Variants in CSF3R observed in about 807,000 individuals in gnomAD.
The protein encoded by CSF3R is granulocyte colony-stimulating factor receptor.
A neutral mutation model predicts 84.4 loss-of-function variants in CSF3R; 52 were observed. The observed-to-expected ratio is 0.62, with a 90% CI of 0.49 to 0.78. CSF3R has a LOEUF of 0.78. CSF3R is among the 30% of genes least tolerant of loss of function. The pLI, the probability that CSF3R is intolerant of heterozygous loss-of-function variation, is 0.00. For synonymous variants in CSF3R, 384 were observed against 429.1 expected (o/e 0.89, Z 1.30); for missense variants, 890 against 1,055.7 (o/e 0.84, Z 2.17).
rs756056579 is a variant in CSF3R, at chr1:36,467,232, C to T, written c.2038G>A (p.Glu680Lys). The change falls in exon 16 of 17, where the codon GAG (glutamate) becomes AAG (lysine). Residue 680 changes from glutamate to lysine, a missense_variant and splice_region_variant. By Grantham distance (56) the Glu-to-Lys change is moderately conservative (BLOSUM62 1). Transcript: ENST00000373106. This position sits in a 1 kb window ranked among gnomAD's most constrained non-coding sequence, Gnocchi z 4.1. The part of the protein sequence containing the change: ...LGSWVPTIME[E>K]DAFQLPGLGT... ...CCCTCTCCCTCCTGGATTCTCACCT[C>T]CTCCATGATTGTGGGCACCCAGGAG... 2 of 1,614,142 alleles carry T rather than the reference C, an allele frequency of 1.2e-6. No individual in the cohort carries two copies. The highest frequency in any genetic ancestry group is 8.5e-7 in the Non-Finnish European group (1 of 1,179,946).
intron 3 of CSF3R, 93 bp from the exon 4 acceptor site, chr1:36,475,766 C>T: frequency 7.9e-7 from 1 of 1,267,814 alleles, no homozygotes; most frequent in Non-Finnish European, 1.1e-6. Flanking sequence ...TCAGAGGCCT[C>T]ACCTTCCTGT....
rs1481867581 is a variant in CSF3R, at chr1:36,466,579, C to T, written c.2289G>A (p.Gly763=). 17 of 1,611,718 alleles carry T rather than the reference C, an allele frequency of 1.1e-5. No homozygotes were observed. Among genetic ancestry groups the T allele is most frequent in the Non-Finnish European group, 1.4e-5 (17 of 1,178,502 alleles). Residue 763 remains glycine, a synonymous_variant, in exon 17 of 17, where the codon GGG becomes GGA. Coordinates refer to ENST00000373106, the MANE Select transcript of CSF3R (RefSeq NM_000760.4). This position sits in a 1 kb window ranked among gnomAD's most constrained non-coding sequence, Gnocchi z 4.6. ...AGTCACAGCGGAGATAGTGCCCTGG[C>T]CCTGGGCTTGTGGGGCTGCCCAGCA... ...GQLLGSPTSP[G]PGHYLRCDST...
At chr1:36,468,339 CATGCCCAAGCCTCA>C in intron 12 of CSF3R, 118 bp from the exon 13 acceptor site, 2 of 1,041,138 alleles carry the variant, frequency 1.9e-6, no homozygotes, top group Non-Finnish European at 2.7e-6. Flanking sequence ...CAAGGGGACT[CATGCCCAAGCCTCA>C]TTTTTCCCAG....
chr1:36,472,470 C>T lies in CSF3R; in HGVS notation c.843+47G>A. ...CCAGCTCGAGCCCGACTTACCCTGC[C>T]CCCTGCCCCCACCACCTCAGGCTCT... On this transcript the variant is annotated intron_variant, in intron 7 of 16. Coordinates refer to ENST00000373106, the MANE Select transcript of CSF3R (RefSeq NM_000760.4). The surrounding 1 kb of genome is among the most constrained non-coding windows in gnomAD (Gnocchi z 5.0). 6.8e-6 allele frequency: 11 copies of T among 1,613,988 alleles called. No individual in the cohort carries two copies. Among genetic ancestry groups the T allele is most frequent in the East Asian group, 2.2e-5 (1 of 44,874 alleles).
chr1:36,467,288 C>T lies in CSF3R; in HGVS notation c.1982G>A (p.Ser661Asn), dbSNP rs1650386046. 6.2e-7 allele frequency: 1 copy of T among 1,614,206 alleles called. No homozygotes were observed. The highest frequency in any genetic ancestry group is 1.1e-5 in the South Asian group (1 of 91,088). ...SPNRKNPLWP[S>N]VPDPAHSSLG... ...GCTGCTGTGAGCTGGGTCTGGGACA[C>T]TTGGCCAGAGGGGATTCTTCCTGCT... Residue 661 changes from serine (S) to asparagine (N), a missense_variant, in exon 16 of 17, where the codon AGT (serine) becomes AAT (asparagine). By Grantham distance (46) the Ser-to-Asn change is conservative. Coordinates refer to ENST00000373106, the MANE Select transcript of CSF3R (RefSeq NM_000760.4). The surrounding 1 kb of genome is among the most constrained non-coding windows in gnomAD (Gnocchi z 4.1).
chr1:36,475,698 G>A (rs1398450499), intron 3 of CSF3R, 25 bp from the exon 4 acceptor site: 1 of 1,598,518 alleles, frequency 6.3e-7, no homozygotes, highest in Non-Finnish European at 8.5e-7. Context: ...AATGGGCCAG[G>A]AACGACGCCT....
chr1:36,469,118 G>T, intron 12 of CSF3R, 38 bp downstream of exon 12: 1 of 1,450,640 alleles, frequency 6.9e-7, no homozygotes, highest in Non-Finnish European at 9.7e-7. Context: ...GGGAGAGAGA[G>T]GAGAGGATTC....
rs200344421 is a variant in CSF3R at position 36,472,404 on chromosome 1, G to A, written c.844-13C>T. On this transcript the variant is annotated splice_polypyrimidine_tract_variant and intron_variant, in intron 7 of 16. Coordinates refer to ENST00000373106, the MANE Select transcript of CSF3R (RefSeq NM_000760.4). The surrounding 1 kb of genome is among the most constrained non-coding windows in gnomAD (Gnocchi z 5.0). ...GGAGGGGGCCCACCTGGTGAGGGGT[G>A]GACAGGACTCTGAGCCTTGGATCGC... 5.0e-6 allele frequency: 8 copies of A among 1,613,884 alleles called. No homozygotes were observed. Among genetic ancestry groups the A allele is most frequent in the Non-Finnish European group, 3.4e-6 (4 of 1,179,992 alleles).
At position 36,466,088 on chromosome 1, in the gene CSF3R, A is replaced by G. The variant is rs772439953; in HGVS notation, c.*269T>C. ...AACAACAACAAAAACTGCAAACCAA[A>G]AACTAGTTTACAATACTGAAGTTAT... is the stretch of plus-strand genomic sequence containing the variant. On this transcript the variant is annotated 3_prime_UTR_variant, in exon 17 of 17. Coordinates refer to ENST00000373106, the MANE Select transcript of CSF3R (RefSeq NM_000760.4). The surrounding 1 kb of genome is among the most constrained non-coding windows in gnomAD (Gnocchi z 4.6). The G allele has an allele frequency of 7.4e-6, 12 of 1,614,154 alleles. No homozygotes were observed. The highest frequency in any genetic ancestry group is 1.3e-5 in the African/African-American group (1 of 75,042).
chr1:36,476,756 G>T (rs1434009197), intron 3 of CSF3R, among the ~76,000 whole-genome samples: 2 of 151,846 alleles, frequency 1.3e-5, no homozygotes, highest in Non-Finnish European at 2.9e-5. Flanking sequence ...GACCTCCTAG[G>T]CTCAAGTGAT....
rs1248601045 is a variant in CSF3R at position 36,469,062 on chromosome 1, G to T, written c.1576+94C>A. ...CCAGGGCTGGAAGTATGGTAGGAAG[G>T]CAATGTTCCCTATACTTCTGATTGC... On this transcript the variant is annotated intron_variant, in intron 12 of 16. Transcript: ENST00000373106. 10 of 894,868 alleles carry T rather than the reference G, an allele frequency of 1.1e-5. No individual in the cohort carries two copies. The Admixed American group carries it at 1.8e-4, about 16-fold the overall frequency. The allele number at this position is 894,868 out of a possible 1,614,324, so 55.4% of individuals were successfully genotyped here. A position where few individuals can be genotyped will look rare whatever the true frequency, so the allele number is the denominator to read the frequency against.
At chr1:36,483,056 G>A (rs912735010), upstream of CSF3R, 2 of 152,272 alleles carry the variant, frequency 1.3e-5, no homozygotes, top group African/African-American at 4.8e-5. Flanking sequence ...AAGCTGGTGA[G>A]GCCCGGGCAG....
rs748967222 is a variant in CSF3R, at chr1:36,469,729, C to G, written c.1397G>C (p.Gly466Ala). Residue 466 changes from glycine to alanine, a missense_variant, in exon 11 of 17, where the codon GGC becomes GCC. By Grantham distance (60) the Gly-to-Ala change is moderately conservative. Coordinates refer to ENST00000373106, the MANE Select transcript of CSF3R (RefSeq NM_000760.4). ...PQGYVIEWGLGPPSASNSNKT... is the reference protein window; with the variant it reads ...PQGYVIEWGLAPPSASNSNKT... ...GTTGCTATTGCTCGCGCTGGGGGGG[C>G]CCAGGCCCCACTCAATCACATAGCC... is the stretch of plus-strand genomic sequence containing the variant. 1 of 1,614,058 alleles carries G rather than the reference C, an allele frequency of 6.2e-7. No individual in the cohort carries two copies. Among genetic ancestry groups the G allele is most frequent in the African/African-American group, 1.3e-5 (1 of 74,930 alleles).
chr1:36,469,624 C>T (rs746127142), intron 11 of CSF3R, 28 bp downstream of exon 11: 9 of 1,613,132 alleles, frequency 5.6e-6, no homozygotes, highest in South Asian at 5.5e-5. Context: ...TGTCCCTGGC[C>T]CTGCCCAACT....
chr1:36,466,576 TG>T lies in CSF3R; in HGVS notation c.2291del (p.Pro764GlnfsTer38). The T allele has an allele frequency of 6.2e-7, 1 of 1,611,410 alleles. No individual in the cohort carries two copies. Among genetic ancestry groups the T allele is most frequent in the Non-Finnish European group, 8.5e-7 (1 of 1,178,218 alleles). On this transcript the variant is annotated frameshift_variant, in exon 17 of 17. Coordinates refer to ENST00000373106, the MANE Select transcript of CSF3R (RefSeq NM_000760.4). LOFTEE classifies it high-confidence loss of function. The surrounding 1 kb of genome is among the most constrained non-coding windows in gnomAD (Gnocchi z 4.6). ...QLLGSPTSPGPGHYLRCDSTQ... is the reference protein window; with the variant it reads ...QLLGSPTSPGXGHYLRCDSTQ... ...TGGAGTCACAGCGGAGATAGTGCCC[TG>T]GCCCTGGGCTTGTGGGGCTGCCCAG... is the stretch of plus-strand genomic sequence containing the variant.
Position 36,472,109 on chromosome 1 carries a change from C to T in CSF3R, c.1028G>A (p.Arg343Gln), listed in dbSNP as rs369185176. The T allele has an allele frequency of 1.2e-4, 195 of 1,613,650 alleles. No individual in the cohort carries two copies. The highest frequency in any genetic ancestry group is 1.4e-4 in the Non-Finnish European group (167 of 1,180,036). Residue 343 changes from arginine (R) to glutamine (Q), a missense_variant, in exon 9 of 17, where the codon CGG (arginine) becomes CAG (glutamine). Coordinates refer to ENST00000373106, the MANE Select transcript of CSF3R (RefSeq NM_000760.4). This position sits in a 1 kb window ranked among gnomAD's most constrained non-coding sequence, Gnocchi z 5.0. ...APTVRLDTWW[R>Q]QRQLDPRTVQ... Reference sequence around the variant, plus strand: ...TGTCCTGGGGTCCAGCTGCCTCTGCCGCCACCATGTGTCCAGTCTGACAGT... The same window carrying T: ...TGTCCTGGGGTCCAGCTGCCTCTGCTGCCACCATGTGTCCAGTCTGACAGT...
chr1:36,482,643 G>A (rs764306910), intron 1 of CSF3R, among the ~76,000 whole-genome samples, 168 bp downstream of exon 1: 1 of 152,182 alleles, frequency 6.6e-6, no homozygotes, highest in Non-Finnish European at 1.5e-5. Flanking sequence ...GGGGCATCCT[G>A]TGAAAAGAGA....
At chr1:36,479,938 CAG>C (rs1651413195) in intron 2 of CSF3R, 1 of 315,818 alleles carries the variant, frequency 3.2e-6, no homozygotes, top group Non-Finnish European at 6.2e-6. Context: ...GAGAATGAAA[CAG>C]GGAAGGAGAG....
intron 4 of CSF3R, among the ~76,000 whole-genome samples, 181 bp from the exon 5 acceptor site, chr1:36,474,068 G>A (rs978195353): frequency 3.3e-5 from 5 of 152,190 alleles, no homozygotes; most frequent in Non-Finnish European, 5.9e-5. Context: ...TAAGTTGCAG[G>A]CATGCACCGG....
Sources: allele counts gnomAD v4.1 joint callset (sites outside exome capture counted in the v4.1 genomes callset), GRCh38; gene constraint gnomAD v4.1.1; non-coding constraint Gnocchi (gnomAD v3.1); transcripts MANE v1.5; gene names NCBI Gene and HGNC (gene_info 2026-07-23, HGNC 2026-07-21).